RTF2: variants seen among roughly 807,000 people sequenced by gnomAD.
The protein encoded by RTF2 is replication termination factor 2.
In RTF2, 18 loss-of-function variants were observed where a neutral mutation model predicts 38.0. The ratio of observed to expected loss-of-function variants is 0.47; its 90% CI spans 0.33 to 0.70. The LOEUF (loss-of-function observed/expected upper bound fraction) is 0.70, where lower values mean the gene tolerates loss of function less well. RTF2 is among the 30% of genes least tolerant of loss of function. The pLI, the probability that RTF2 is intolerant of heterozygous loss-of-function variation, is 0.02. For missense variants in RTF2, 311 were observed against 379.6 expected (o/e 0.82, Z 1.50); for synonymous variants, 126 against 137.1 (o/e 0.92, Z 0.57).
At chr20:56,470,453 G>A (rs1981900780) in intron 1 of RTF2, 2 of 380,758 alleles carry the variant, frequency 5.3e-6, no homozygotes, top group Admixed American at 3.0e-5. Context: ...TAGGCCCCAG[G>A]GATATAGCAG....
chr20:56,481,086 G>A lies in RTF2; in HGVS notation c.399-3025G>A, dbSNP rs368007446. Among the ~76,000 whole-genome samples, 89 of 152,280 alleles carry A rather than the reference G, an allele frequency of 5.8e-4. 1 individual carries two copies. Among genetic ancestry groups the A allele is most frequent in the South Asian group, 3.1e-3 (15 of 4,826 alleles). On this transcript the variant is annotated intron_variant, in intron 4 of 8. Coordinates refer to ENST00000357348, the MANE Select transcript of RTF2 (RefSeq NM_016407.5). Reference sequence around the variant, plus strand: ...TATCTGCAAAGCGCAATAAAACAAGGTATGCCTATATCCTTAATAGCTGGT... The same window carrying A: ...TATCTGCAAAGCGCAATAAAACAAGATATGCCTATATCCTTAATAGCTGGT...
chr20:56,477,263 G>A, intron 4 of RTF2, 139 bp downstream of exon 4: 1 of 929,386 alleles, frequency 1.1e-6, no homozygotes, highest in Non-Finnish European at 1.6e-6. Flanking sequence ...GGAGGAAATG[G>A]TGCTTGGTCA....
intron 5 of RTF2, among the ~76,000 whole-genome samples, chr20:56,486,849 G>A (rs2146330444): frequency 6.6e-6 from 1 of 152,210 alleles, no homozygotes; most frequent in South Asian, 2.1e-4. Flanking sequence ...GTGCTCATGG[G>A]GCAGAAGCAG....
chr20:56,490,050 G>C (rs1366174884), intron 5 of RTF2, among the ~76,000 whole-genome samples: 1 of 152,192 alleles, frequency 6.6e-6, no homozygotes, highest in Non-Finnish European at 1.5e-5. Context: ...AGAAAGATTT[G>C]TTTAAACAAA....
At chr20:56,493,945 G>A (rs1407158244) in intron 5 of RTF2, among the ~76,000 whole-genome samples, 1 of 152,124 alleles carries the variant, frequency 6.6e-6, no homozygotes, top group African/African-American at 2.4e-5. Flanking sequence ...GGTGGCAGGC[G>A]GTTGCTCCCA....
chr20:56,490,269 G>A (rs1267042130), intron 5 of RTF2, among the ~76,000 whole-genome samples: 1 of 152,172 alleles, frequency 6.6e-6, no homozygotes. Context: ...TCTGGTTCCT[G>A]TGTTCCCATC....
At chr20:56,497,105 G>A (rs1568702329) in intron 5 of RTF2, 11 of 1,551,590 alleles carry the variant, frequency 7.1e-6, no homozygotes, top group Middle Eastern at 1.7e-4. Flanking sequence ...TCTCTGTCTT[G>A]GAGGAAATAA....
At chr20:56,505,487 C>CAGAATAATA (rs1555812434) in intron 5 of RTF2, among the ~76,000 whole-genome samples, 1 of 139,652 alleles carries the variant, frequency 7.2e-6, no homozygotes, top group Non-Finnish European at 1.5e-5. Context: ...GATGCCATCT[C>CAGAATAATA]ATAATAATAA....
chr20:56,496,902 T>G (rs1332501676), intron 5 of RTF2: 1 of 1,551,758 alleles, frequency 6.4e-7, no homozygotes, highest in Admixed American at 2.0e-5. Context: ...GTGCAATGGT[T>G]GGATTACTCC....
intron 5 of RTF2, chr20:56,497,048 A>G (rs1239672402): frequency 1.3e-6 from 2 of 1,551,570 alleles, no homozygotes; most frequent in Non-Finnish European, 1.7e-6. Flanking sequence ...GAACTTTCAT[A>G]CAATTAATAT....
chr20:56,503,967 C>T (rs961303294), intron 5 of RTF2: 1 of 151,714 alleles, frequency 6.6e-6, no homozygotes, highest in Non-Finnish European at 1.5e-5. Context: ...GACCCTGACA[C>T]ACACACACAC....
chr20:56,498,186 G>A (rs1339449082), intron 5 of RTF2, among the ~76,000 whole-genome samples: 1 of 152,176 alleles, frequency 6.6e-6, no homozygotes, highest in Non-Finnish European at 1.5e-5. Flanking sequence ...AGTTCATTGT[G>A]TGCCATTATT....
chr20:56,506,586 G>A (rs1984287312), intron 5 of RTF2, among the ~76,000 whole-genome samples: 1 of 152,254 alleles, frequency 6.6e-6, no homozygotes, highest in South Asian at 2.1e-4. Context: ...AGCATCCAGA[G>A]GGCATATGAA....
chr20:56,494,844 G>C (rs915454107), intron 5 of RTF2, among the ~76,000 whole-genome samples: 3 of 152,146 alleles, frequency 2.0e-5, no homozygotes, highest in Non-Finnish European at 4.4e-5. Flanking sequence ...TCAAACCCAA[G>C]GTCTCTACCC....
chr20:56,484,781 C>T (rs552129305), intron 5 of RTF2, among the ~76,000 whole-genome samples: 16 of 152,298 alleles, frequency 1.1e-4, no homozygotes, highest in African/African-American at 3.4e-4. Context: ...GCTTTAATGG[C>T]GCTGCTGCTG....
intron 5 of RTF2, among the ~76,000 whole-genome samples, chr20:56,509,042 T>A (rs1296277226): frequency 1.3e-5 from 2 of 152,222 alleles, no homozygotes; most frequent in African/African-American, 4.8e-5. Flanking sequence ...AAAAAACTTT[T>A]GTAATTATCC....
chr20:56,518,393 A>G lies in RTF2; in HGVS notation c.*128A>G. Reference sequence around the variant, plus strand: ...TCTGTGTCATAAAGCTGTCCTGGCCAGCCTTCAAGCTGGTGTGGCCACTCT... The same window carrying G: ...TCTGTGTCATAAAGCTGTCCTGGCCGGCCTTCAAGCTGGTGTGGCCACTCT... On this transcript the variant is annotated 3_prime_UTR_variant, in exon 9 of 9. Transcript: ENST00000357348. 1.0e-6 allele frequency: 1 copy of G among 961,822 alleles called. No individual in the cohort carries two copies. The highest frequency in any genetic ancestry group is 1.5e-6 in the Non-Finnish European group (1 of 664,814). The allele number at this position is 961,822 out of a possible 1,614,324, so 59.6% of individuals were successfully genotyped here.
At position 56,518,389 on chromosome 20, in the gene RTF2, G is replaced by A. The variant is rs2097639720; in HGVS notation, c.*124G>A. ...TAGTTCTGTGTCATAAAGCTGTCCT[G>A]GCCAGCCTTCAAGCTGGTGTGGCCA... On this transcript the variant is annotated 3_prime_UTR_variant, in exon 9 of 9. Coordinates refer to ENST00000357348, the MANE Select transcript of RTF2 (RefSeq NM_016407.5). 1 of 1,023,776 alleles carries A rather than the reference G, an allele frequency of 9.8e-7. No homozygotes were observed. Among genetic ancestry groups the A allele is most frequent in the Admixed American group, 2.9e-5 (1 of 34,842 alleles). 63.4% of individuals were successfully genotyped at this position (1,023,776 alleles called of 1,614,324 possible). A position where few individuals can be genotyped will look rare whatever the true frequency, so the allele number is the denominator to read the frequency against.
chr20:56,513,146 C>G (rs1366163503), intron 5 of RTF2, among the ~76,000 whole-genome samples, 169 bp from the exon 6 acceptor site: 4 of 152,228 alleles, frequency 2.6e-5, no homozygotes, highest in Non-Finnish European at 5.9e-5. Context: ...TACGCTGACA[C>G]TTTGCTGTGT....
Sources: gnomAD v4.1 joint callset for allele counts (sites outside exome capture counted in the v4.1 genomes callset) on GRCh38, gnomAD v4.1.1 for gene constraint, MANE v1.5 for transcripts, NCBI Gene and HGNC (gene_info 2026-07-23, HGNC 2026-07-21) for gene names.